The following HSPA12A variants were observed in gnomAD, a reference collection of about 807,000 sequenced individuals.
HSPA12A encodes the protein heat shock 70 kDa protein 12A.
HSPA12A carries 28 observed loss-of-function variants against 69.2 expected under a neutral mutation model. The observed-to-expected ratio is 0.40, with a 90% confidence interval of 0.30 to 0.55. The LOEUF is 0.55. HSPA12A is among the 20% of genes least tolerant of loss of function. HSPA12A has a pLI of 0.38. For missense variants in HSPA12A, 686 were observed against 900.7 expected (o/e 0.76, Z 3.05); for synonymous variants, 345 against 370.5 (o/e 0.93, Z 0.79).
intron 1 of HSPA12A, among the ~76,000 whole-genome samples, chr10:116,724,804 C>A (rs992542067): frequency 3.9e-5 from 6 of 152,212 alleles, no homozygotes; most frequent in African/African-American, 1.4e-4. Flanking sequence ...AAGACTCCAG[C>A]TGCTCCCAGC....
At chr10:116,841,789 T>C (rs1845805778) in intron 1 of HSPA12A, among the ~76,000 whole-genome samples, 2 of 150,564 alleles carry the variant, frequency 1.3e-5, no homozygotes, top group South Asian at 4.2e-4. Flanking sequence ...TGTTTTTTCT[T>C]TTTTTTTTAA....
chr10:116,742,386 C>G (rs1554887313), intron 1 of HSPA12A, 44 bp downstream of exon 1: 1 of 1,427,056 alleles, frequency 7.0e-7, no homozygotes, highest in African/African-American at 1.5e-5. Context: ...TCCTCCCTCC[C>G]TGCCCCGCCA....
chr10:116,793,102 T>C (rs1844735341), intron 2 of HSPA12A, among the ~76,000 whole-genome samples: 1 of 152,050 alleles, frequency 6.6e-6, no homozygotes, highest in South Asian at 2.1e-4. Flanking sequence ...CAAGGTGAAA[T>C]ACAGACATTT....
chr10:116,816,608 G>A (rs1845309970), intron 2 of HSPA12A, among the ~76,000 whole-genome samples: 2 of 152,172 alleles, frequency 1.3e-5, no homozygotes, highest in Admixed American at 6.5e-5. Context: ...CTTAACCGGC[G>A]CCGTCCTGCT....
chr10:116,800,318 C>G (rs1844927271), intron 2 of HSPA12A, among the ~76,000 whole-genome samples: 2 of 151,940 alleles, frequency 1.3e-5, no homozygotes, highest in African/African-American at 4.8e-5. Context: ...TCACCCCTGG[C>G]TGGCTCCATC....
intron 4 of HSPA12A, among the ~76,000 whole-genome samples, chr10:116,700,699 A>G (rs568843581): frequency 2.6e-5 from 4 of 152,272 alleles, no homozygotes; most frequent in African/African-American, 9.6e-5. Context: ...TCCAAGACAA[A>G]CGAGTTGTTA....
intron 4 of HSPA12A, among the ~76,000 whole-genome samples, chr10:116,699,607 G>A (rs1850021579): frequency 6.6e-6 from 1 of 152,138 alleles, no homozygotes; most frequent in Admixed American, 6.5e-5. Flanking sequence ...CCCGTCTGTG[G>A]CATCCTGACC....
chr10:116,792,226 T>TAAC (rs1283908699), intron 2 of HSPA12A, among the ~76,000 whole-genome samples: 30 of 125,850 alleles, frequency 2.4e-4, no homozygotes, highest in Middle Eastern at 6.6e-3. Context: ...CCAGCCCCAG[T>TAAC]TCAGCATGGG....
intron 2 of HSPA12A, among the ~76,000 whole-genome samples, chr10:116,774,864 G>A (rs1377275991): frequency 6.6e-6 from 1 of 152,118 alleles, no homozygotes; most frequent in African/African-American, 2.4e-5. Context: ...AGTCCTGCCG[G>A]CTCCTGCACC....
chr10:116,783,905 T>C (rs1342765932), intron 2 of HSPA12A, among the ~76,000 whole-genome samples: 1 of 152,184 alleles, frequency 6.6e-6, no homozygotes, highest in African/African-American at 2.4e-5. Context: ...GGTTTCACCA[T>C]GTTGGCCAGT....
chr10:116,849,892 G>T, upstream of HSPA12A: 1 of 852,506 alleles, frequency 1.2e-6, no homozygotes, highest in Non-Finnish European at 1.9e-6. Flanking sequence ...GGGAAGGAGC[G>T]GGAAGGACAC....
chr10:116,779,117 C>T (rs1335802490), intron 2 of HSPA12A, among the ~76,000 whole-genome samples: 7 of 152,216 alleles, frequency 4.6e-5, no homozygotes, highest in South Asian at 2.1e-4. Context: ...ACTCAAGGCA[C>T]GTGGTTTCCA....
At chr10:116,745,964 T>C (rs1391656072), upstream of HSPA12A, among the ~76,000 whole-genome samples, 1 of 152,116 alleles carries the variant, frequency 6.6e-6, no homozygotes, top group Non-Finnish European at 1.5e-5. Flanking sequence ...CTCAGGTCTC[T>C]CCAGCTTCAG....
intron 1 of HSPA12A, among the ~76,000 whole-genome samples, chr10:116,728,081 T>C (rs1851032229): frequency 1.3e-5 from 2 of 152,160 alleles, no homozygotes; most frequent in African/African-American, 4.8e-5. Context: ...GTACTGGGAT[T>C]ACAGGCATGA....
At chr10:116,728,239 C>T (rs1173004650) in intron 1 of HSPA12A, among the ~76,000 whole-genome samples, 1 of 152,158 alleles carries the variant, frequency 6.6e-6, no homozygotes, top group East Asian at 1.9e-4. Flanking sequence ...CTATGCCCAG[C>T]CTTGTAAGTG....
chr10:116,710,419 C>A lies in HSPA12A; in HGVS notation c.41-3134G>T, dbSNP rs549257158. ...CTCAGCCCTTCTCAGAGCCCTGGGT[C>A]TTCTCACTGATTTGCAAAATAGCCA... On this transcript the variant is annotated intron_variant, in intron 1 of 11. Coordinates refer to ENST00000369209, the MANE Select transcript of HSPA12A (RefSeq NM_025015.3). The surrounding 1 kb of genome is among the most constrained non-coding windows in gnomAD (Gnocchi z 4.1). Among the ~76,000 whole-genome samples the A allele has an allele frequency of 6.6e-6, 1 of 152,288 alleles. No homozygotes were observed. Among genetic ancestry groups the A allele is most frequent in the East Asian group, 1.9e-4 (1 of 5,180 alleles).
intron 2 of HSPA12A, among the ~76,000 whole-genome samples, chr10:116,787,336 G>A (rs918565845): frequency 2.0e-5 from 3 of 149,680 alleles, no homozygotes; most frequent in African/African-American, 4.9e-5. Flanking sequence ...GCTGTGTATA[G>A]AGGATATTTA....
At chr10:116,724,745 C>T (rs1165953657) in intron 1 of HSPA12A, among the ~76,000 whole-genome samples, 1 of 152,194 alleles carries the variant, frequency 6.6e-6, no homozygotes, top group Non-Finnish European at 1.5e-5. Context: ...TGAGTGACGC[C>T]TCCTGTCCCT....
At chr10:116,813,507 A>G (rs573149093) in intron 2 of HSPA12A, among the ~76,000 whole-genome samples, 1 of 152,022 alleles carries the variant, frequency 6.6e-6, no homozygotes, top group East Asian at 2.0e-4. Flanking sequence ...TCAGCCTCCC[A>G]AAGTGCTGGG....
Sources: gnomAD v4.1 joint callset for allele counts (sites outside exome capture counted in the v4.1 genomes callset) on GRCh38, gnomAD v4.1.1 for gene constraint, Gnocchi (gnomAD v3.1) non-coding constraint, MANE v1.5 for transcripts, NCBI Gene and HGNC (gene_info 2026-07-23, HGNC 2026-07-21) for gene names.